MAPK8IP3: variants seen among roughly 807,000 people sequenced by gnomAD.
MAPK8IP3 encodes the protein mitogen-activated protein kinase 8 interacting protein 3.
Under a neutral mutation model 157.8 loss-of-function variants are expected in MAPK8IP3, and 49 were observed. The ratio of observed to expected loss-of-function variants is 0.31; its 90% confidence interval spans 0.25 to 0.39. The LOEUF (loss-of-function observed/expected upper bound fraction) is 0.39. Among genes scored for constraint, MAPK8IP3 ranks in the 10% least tolerant of loss-of-function variants. MAPK8IP3 has a pLI of 1.00. For missense variants in MAPK8IP3, 1,478 were observed against 1,889.4 expected, an observed-to-expected ratio of 0.78 and a Z score of 4.04; for synonymous variants, 897 against 777.7, an observed-to-expected ratio of 1.15 and a Z score of -2.55.
At position 1,766,819 on chromosome 16, in the gene MAPK8IP3, C is replaced by G; in HGVS notation, c.3020+16C>G. ...TGAGCCTGGTGTGGGTGACCCCAGACCGAGGGCCGGGCGGCGCGGGGGAAC... is the reference window on the plus strand; with the variant it reads ...TGAGCCTGGTGTGGGTGACCCCAGAGCGAGGGCCGGGCGGCGCGGGGGAAC... On this transcript the variant is annotated intron_variant, in intron 24 of 31. Transcript: ENST00000610761. The G allele has an allele frequency of 1.9e-6, 3 of 1,612,584 alleles. No homozygotes were observed. The highest frequency in any genetic ancestry group is 1.3e-5 in the African/African-American group (1 of 75,072).
At position 1,768,738 on chromosome 16, in the gene MAPK8IP3, G is replaced by C; in HGVS notation, c.3928G>C (p.Gly1310Arg). ...GEDDETEEGA[G>R]DMSQVKPVLS... The stretch of plus-strand genomic sequence containing the variant: ...GGACGACGAGACGGAGGAGGGCGCA[G>C]GGGACATGAGCCAGGTGAAGCCCGT... Residue 1310 changes from glycine to arginine, a missense_variant, in exon 32 of 32, where the codon GGG becomes CGG. Transcript: ENST00000610761. 6.2e-7 allele frequency: 1 copy of C among 1,612,808 alleles called. No individual in the cohort carries two copies. The highest frequency in any genetic ancestry group is 8.5e-7 in the Non-Finnish European group (1 of 1,179,858).
chr16:1,758,209 T>G (rs2041730026), intron 9 of MAPK8IP3, 50 bp downstream of exon 9: 1 of 1,606,248 alleles, frequency 6.2e-7, no homozygotes, highest in Non-Finnish European at 8.5e-7. Context: ...ACGGGGGGAG[T>G]GGGTGGACGG....
rs756003076 is a variant in MAPK8IP3, at chr16:1,766,338, G to A, written c.2748G>A (p.Arg916=). The A allele has an allele frequency of 3.1e-6, 5 of 1,612,714 alleles. No individual in the cohort carries two copies. Among genetic ancestry groups the A allele is most frequent in the Non-Finnish European group, 4.2e-6 (5 of 1,179,994 alleles). ...GPSEPETATL[R]PGPLTEHVFT... ...GCGAGCCAGAGACAGCCACATTGCG[G>A]CCCGGGCCTCTCACAGAGCACGTCT... The change falls in exon 22 of 32, where the codon CGG becomes CGA. Residue 916 remains arginine (R), a synonymous_variant. Transcript: ENST00000610761.
At chr16:1,719,668 C>CAAAAAA (rs58680997) in intron 1 of MAPK8IP3, among the ~76,000 whole-genome samples, 5 of 51,090 alleles carry the variant, frequency 9.8e-5, no homozygotes, top group South Asian at 7.3e-4. Flanking sequence ...CCCATCTCTA[C>CAAAAAA]AAAAAAAAAA....
chr16:1,752,357 G>A, intron 8 of MAPK8IP3: 1 of 244,244 alleles, frequency 4.1e-6, no homozygotes, highest in South Asian at 3.3e-5. Flanking sequence ...GGTCATCTGG[G>A]CATCGCCGAG....
chr16:1,762,727 C>G lies in MAPK8IP3; in HGVS notation c.1723C>G (p.Gln575Glu). Reference sequence around the variant, plus strand: ...GGAGAAGAAGAAGTCGACCATCTGGCAGTTGTAAGCTGGGGGCCCCTGGGG... The same window carrying G: ...GGAGAAGAAGAAGTCGACCATCTGGGAGTTGTAAGCTGGGGGCCCCTGGGG... ...VQEKKKSTIWQFFSRLFSSSS... is the reference protein window; with the variant it reads ...VQEKKKSTIWEFFSRLFSSSS... Residue 575 changes from glutamine (Q) to glutamate (E), a missense_variant, in exon 15 of 32, where the codon CAG (glutamine) becomes GAG (glutamate). Around this residue, in one of 11 missense-constraint regions of MAPK8IP3, gnomAD observed 669 missense variants for 759.8 expected, o/e 0.88. Coordinates refer to ENST00000610761, the MANE Select transcript of MAPK8IP3 (RefSeq NM_001318852.2). The G allele has an allele frequency of 6.3e-7, 1 of 1,578,038 alleles. No individual in the cohort carries two copies. The highest frequency in any genetic ancestry group is 1.2e-5 in the South Asian group (1 of 86,268).
chr16:1,764,238 T>A (rs770672784), intron 18 of MAPK8IP3, 28 bp downstream of exon 18: 104 of 1,604,696 alleles, frequency 6.5e-5, no homozygotes, highest in Admixed American at 5.5e-4. Flanking sequence ...CCGCTCAGGC[T>A]GGCTGGGCGA....
rs1325456740 is a variant in MAPK8IP3 at position 1,706,831 on chromosome 16, C to T, written c.318+174C>T. ...CGCCTGGACCCCATATCCCCCGCCCCGGGACTTCCCCACCCCCTCTGCCCG... is the reference window on the plus strand; with the variant it reads ...CGCCTGGACCCCATATCCCCCGCCCTGGGACTTCCCCACCCCCTCTGCCCG... On this transcript the variant is annotated intron_variant, in intron 1 of 31. Coordinates refer to ENST00000610761, the MANE Select transcript of MAPK8IP3 (RefSeq NM_001318852.2). This position sits in a 1 kb window ranked among gnomAD's most constrained non-coding sequence, Gnocchi z 5.1. Among the ~76,000 whole-genome samples the T allele has an allele frequency of 2.7e-5, 4 of 148,478 alleles. No homozygotes were observed. Among genetic ancestry groups the T allele is most frequent in the Admixed American group, 2.0e-4 (3 of 15,018 alleles).
At chr16:1,748,753 C>G (rs369249902) in intron 8 of MAPK8IP3, 33 bp downstream of exon 8, 1 of 1,544,378 alleles carries the variant, frequency 6.5e-7, no homozygotes, top group South Asian at 1.1e-5. Flanking sequence ...ACCGCTGTGC[C>G]TGCACAATGC....
intron 1 of MAPK8IP3, among the ~76,000 whole-genome samples, chr16:1,721,151 A>C (rs1272455805): frequency 6.6e-6 from 1 of 151,736 alleles, no homozygotes; most frequent in Non-Finnish European, 1.5e-5. Flanking sequence ...CAGCGTGACC[A>C]ACATGGAAAA....
chr16:1,743,508 C>T lies in MAPK8IP3; in HGVS notation c.747+32C>T. On this transcript the variant is annotated intron_variant, in intron 5 of 31. Coordinates refer to ENST00000610761, the MANE Select transcript of MAPK8IP3 (RefSeq NM_001318852.2). This position sits in a 1 kb window ranked among gnomAD's most constrained non-coding sequence, Gnocchi z 5.6. Reference sequence around the variant, plus strand: ...TAGCCGTGCCGTGGAGTGAGAGGCTCCTCCCTGTTGCTGGTGTTCCCCGTT... The same window carrying T: ...TAGCCGTGCCGTGGAGTGAGAGGCTTCTCCCTGTTGCTGGTGTTCCCCGTT... 3.1e-6 allele frequency: 5 copies of T among 1,602,784 alleles called. No individual in the cohort carries two copies. Among genetic ancestry groups the T allele is most frequent in the Non-Finnish European group, 4.2e-6 (5 of 1,177,744 alleles).
intron 4 of MAPK8IP3, among the ~76,000 whole-genome samples, chr16:1,736,618 CCGTGTGAGCGTCCGTGTGAG>C: frequency 2.0e-5 from 1 of 49,292 alleles, no homozygotes; most frequent in Non-Finnish European, 3.8e-5. Flanking sequence ...GTGTGACCGT[CCGTGTGAGCGTCCGTGTGAG>C]CGTGTGACCG....
intron 10 of MAPK8IP3, 109 bp downstream of exon 10, chr16:1,759,104 G>A (rs1407679499): frequency 4.8e-6 from 7 of 1,460,048 alleles, no homozygotes; most frequent in South Asian, 2.3e-5. Flanking sequence ...TGTTGGGGCC[G>A]CCGGGGTCAG....
chr16:1,730,582 T>A (rs563285000), intron 4 of MAPK8IP3, among the ~76,000 whole-genome samples: 1 of 144,710 alleles, frequency 6.9e-6, no homozygotes, highest in East Asian at 2.1e-4. Flanking sequence ...TACGAAACAC[T>A]CCTGTAATCC....
At chr16:1,739,828 G>C (rs1243404521) in intron 4 of MAPK8IP3, among the ~76,000 whole-genome samples, 3 of 127,750 alleles carry the variant, frequency 2.3e-5, no homozygotes, top group East Asian at 2.5e-4. Context: ...GTGAGCATCC[G>C]TGTGACCGTC....
chr16:1,768,908 C>T lies in MAPK8IP3; in HGVS notation c.*84C>T, dbSNP rs891304488. On this transcript the variant is annotated 3_prime_UTR_variant, in exon 32 of 32. Coordinates refer to ENST00000610761, the MANE Select transcript of MAPK8IP3 (RefSeq NM_001318852.2). ...CCGGCCCGCGGGGTAGCCAGCCAGGCGCCGCCGCCCCTCTTCTAACCTCTC... is the reference window on the plus strand; with the variant it reads ...CCGGCCCGCGGGGTAGCCAGCCAGGTGCCGCCGCCCCTCTTCTAACCTCTC... 12 of 1,497,520 alleles carry T rather than the reference C, an allele frequency of 8.0e-6. No homozygotes were observed. Among genetic ancestry groups the T allele is most frequent in the African/African-American group, 5.5e-5 (4 of 72,630 alleles). The allele number at this position is 1,497,520 out of a possible 1,614,324, so 92.8% of individuals were successfully genotyped here. A position where few individuals can be genotyped will look rare whatever the true frequency, so the allele number is the denominator to read the frequency against.
chr16:1,746,863 C>G lies in MAPK8IP3; in HGVS notation c.748-166C>G, dbSNP rs912208515. On this transcript the variant is annotated intron_variant, in intron 5 of 31. Transcript: ENST00000610761. ...GCAGAGCCACTCGGGAGTGGTGAGGCCCGGAAGGGTTAGCCCGGTGGGCGG... is the reference window on the plus strand; with the variant it reads ...GCAGAGCCACTCGGGAGTGGTGAGGGCCGGAAGGGTTAGCCCGGTGGGCGG... 2.3e-5 allele frequency: 18 copies of G among 794,254 alleles called. No homozygotes were observed. In the African/African-American group the frequency reaches 2.4e-4, roughly 11 times the overall value. 49.2% of individuals were successfully genotyped at this position (794,254 alleles called of 1,614,324 possible). A position where few individuals can be genotyped will look rare whatever the true frequency, so the allele number is the denominator to read the frequency against.
chr16:1,739,053 A>C (rs1267203441), intron 4 of MAPK8IP3, among the ~76,000 whole-genome samples: 1 of 108,296 alleles, frequency 9.2e-6, no homozygotes, highest in African/African-American at 3.8e-5. Context: ...CGTCCGTGTG[A>C]GCGTGTGAGC....
intron 5 of MAPK8IP3, chr16:1,744,429 C>T (rs571987499): frequency 8.1e-6 from 8 of 985,938 alleles, no homozygotes; most frequent in Non-Finnish European, 9.6e-6. Context: ...GCTCCTGCTC[C>T]GTCAGCCCAC....
Sources: allele counts gnomAD v4.1 joint callset (sites outside exome capture counted in the v4.1 genomes callset), GRCh38; gene constraint gnomAD v4.1.1; regional missense constraint gnomAD v4.1.1; non-coding constraint Gnocchi (gnomAD v3.1); transcripts MANE v1.5; gene names NCBI Gene and HGNC (gene_info 2026-07-23, HGNC 2026-07-21).